Variants in BRD2 observed in about 807,000 individuals in gnomAD.
The protein encoded by BRD2 is bromodomain-containing protein 2.
A neutral mutation model predicts 79.1 loss-of-function variants in BRD2; 15 were observed. That is an observed-to-expected ratio of 0.19 (90% CI 0.13 to 0.29). BRD2 has a LOEUF of 0.29. Among genes scored for constraint, BRD2 ranks in the 10% least tolerant of loss-of-function variants. The probability of loss-of-function intolerance (pLI) is 1.00; values close to 1 mark genes in which losing one functional copy is unlikely to be tolerated. For missense variants in BRD2, 1,053 were observed against 991.3 expected (o/e 1.06, Z -0.84); for synonymous variants, 488 against 358.6 (o/e 1.36, Z -4.08).
chr6:32,976,540 C>G (rs753078710), intron 6 of BRD2, 22 bp from the exon 7 acceptor site: 1 of 1,591,706 alleles, frequency 6.3e-7, no homozygotes, highest in African/African-American at 1.3e-5. Context: ...TGACAGGTTC[C>G]CTATCTTGTT....
rs748209924 is a variant in BRD2 at position 32,974,462 on chromosome 6, G to C, written c.30G>C (p.Lys10Asn). Residue 10 changes from lysine (K) to asparagine (N), a missense_variant and splice_region_variant, in exon 3 of 13, where the codon AAG (lysine) becomes AAC (asparagine). Physicochemically the swap from Lys to Asn is moderately conservative, Grantham distance 94. Coordinates refer to ENST00000374825, the MANE Select transcript of BRD2 (RefSeq NM_005104.4). Reference sequence around the variant, plus strand: ...CCTAATTTTGTTCCCATCTTTACAGGCTCCCTGGGGAAGGGAATGCAGGGT... The same window carrying C: ...CCTAATTTTGTTCCCATCTTTACAGCCTCCCTGGGGAAGGGAATGCAGGGT... MLQNVTPHN[K>N]LPGEGNAGLL... The C allele has an allele frequency of 1.2e-6, 2 of 1,606,666 alleles. No individual in the cohort carries two copies. Among genetic ancestry groups the C allele is most frequent in the South Asian group, 2.2e-5 (2 of 90,910 alleles).
At chr6:32,975,986 G>A in intron 4 of BRD2, 45 bp from the exon 5 acceptor site, 5 of 1,565,004 alleles carry the variant, frequency 3.2e-6, no homozygotes, top group Non-Finnish European at 4.3e-6. Context: ...TCTATCTTCT[G>A]TTGGCATTTT....
intron 1 of BRD2, chr6:32,969,388 G>T: frequency 1.4e-6 from 1 of 716,406 alleles, no homozygotes. Flanking sequence ...AGGGAGGGGT[G>T]ACCTGGCGGT....
intron 1 of BRD2, chr6:32,970,509 C>T (rs1426816572): frequency 6.6e-6 from 1 of 151,966 alleles, no homozygotes; most frequent in Non-Finnish European, 1.5e-5. Flanking sequence ...CTTACGAGCC[C>T]TTCCGGGGCG....
chr6:32,971,901 A>G lies in BRD2; in HGVS notation c.-998A>G, dbSNP rs1561921810. 1 of 702,780 alleles carries G rather than the reference A, an allele frequency of 1.4e-6. No homozygotes were observed. Among genetic ancestry groups the G allele is most frequent in the Non-Finnish European group, 2.6e-6 (1 of 384,946 alleles). 43.5% of individuals were successfully genotyped at this position (702,780 alleles called of 1,614,324 possible). On this transcript the variant is annotated 5_prime_UTR_variant, in exon 2 of 13. Transcript: ENST00000374825. ...CCCTGGAGTCGGCGGACCACAGCTC[A>G]GCCAATTGGCTTGGAGATGTGGCGG...
At chr6:32,975,359 T>A in intron 3 of BRD2, 25 bp from the exon 4 acceptor site, 1 of 1,582,570 alleles carries the variant, frequency 6.3e-7, no homozygotes, top group East Asian at 2.2e-5. Flanking sequence ...TTTCTGTGGT[T>A]CTGACCTAAC....
Position 32,980,726 on chromosome 6 carries a change from G to A in BRD2, c.*8G>A, listed in dbSNP as rs1561964796. On this transcript the variant is annotated 3_prime_UTR_variant, in exon 13 of 13. Coordinates refer to ENST00000374825, the MANE Select transcript of BRD2 (RefSeq NM_005104.4). ...GATTCAGACTCAGGCTAAGGGGTCA[G>A]GCCAGATGGGGCAGGAAGGCTCCGC... 9 of 1,612,370 alleles carry A rather than the reference G, an allele frequency of 5.6e-6. No individual in the cohort carries two copies. Among genetic ancestry groups the A allele is most frequent in the Non-Finnish European group, 7.6e-6 (9 of 1,180,032 alleles).
intron 1 of BRD2, among the ~76,000 whole-genome samples, chr6:32,969,994 A>T (rs2127496559): frequency 6.6e-6 from 1 of 152,220 alleles, no homozygotes; most frequent in Non-Finnish European, 1.5e-5. Flanking sequence ...CTCCCTGGTG[A>T]CTCATGTGGG....
rs1779368175 is a variant in BRD2, at chr6:32,980,445, T to C, written c.2250T>C (p.Thr750=). ...LQDVSGQLNS[T]KKPPKKANEK... Reference sequence around the variant, plus strand: ...ATGTCAGCGGACAGCTCAATTCTACTAAAAAGCCCCCCAAGAAAGGTGAGT... The same window carrying C: ...ATGTCAGCGGACAGCTCAATTCTACCAAAAAGCCCCCCAAGAAAGGTGAGT... The change falls in exon 12 of 13, where the codon ACT becomes ACC. Residue 750 remains threonine, a synonymous_variant. Coordinates refer to ENST00000374825, the MANE Select transcript of BRD2 (RefSeq NM_005104.4). 3 of 1,613,084 alleles carry C rather than the reference T, an allele frequency of 1.9e-6. No individual in the cohort carries two copies. The highest frequency in any genetic ancestry group is 2.5e-6 in the Non-Finnish European group (3 of 1,180,042).
rs199497657 is a variant in BRD2, at chr6:32,976,142, A to G, written c.583A>G (p.Ser195Gly). The change falls in exon 5 of 13, where the codon AGC (serine) becomes GGC (glycine). Residue 195 changes from serine to glycine, a missense_variant. This residue lies in a region of BRD2 where 413 missense variants were observed against 335.1 expected (regional missense o/e 1.23). Coordinates refer to ENST00000374825, the MANE Select transcript of BRD2 (RefSeq NM_005104.4). ...QELVVTIPKN[S>G]HKKGAKLAAL... ...GCTGGTAGTGACCATCCCTAAGAAC[A>G]GCCACAAGAAGGGGGCCAAGTTGGC... 6.2e-7 allele frequency: 1 copy of G among 1,612,740 alleles called. No individual in the cohort carries two copies. The highest frequency in any genetic ancestry group is 1.7e-5 in the Admixed American group (1 of 59,932).
At chr6:32,969,350 C>T (rs1190475141) in intron 1 of BRD2, 5 of 716,824 alleles carry the variant, frequency 7.0e-6, no homozygotes. Flanking sequence ...AGCCGGGAGC[C>T]AGGTGAGAAG....
chr6:32,980,182 A>G (rs549956208), intron 11 of BRD2, 50 bp downstream of exon 11: 2 of 1,587,112 alleles, frequency 1.3e-6, no homozygotes, highest in Admixed American at 3.5e-5. Flanking sequence ...AGTTGAGGAA[A>G]GATGGTGGGG....
intron 12 of BRD2, 39 bp from the exon 13 acceptor site, chr6:32,980,543 C>T (rs2127528385): frequency 9.3e-6 from 15 of 1,612,550 alleles, no homozygotes; most frequent in Non-Finnish European, 1.3e-5. Context: ...AATGAAGATT[C>T]AGACTTGAAC....
At chr6:32,978,434 C>G (rs1480378843) in intron 10 of BRD2, 46 bp downstream of exon 10, 7 of 1,583,502 alleles carry the variant, frequency 4.4e-6, no homozygotes, top group Non-Finnish European at 6.0e-6. Context: ...ATTTCTGTCT[C>G]TCTGGGGGAT....
At position 32,976,822 on chromosome 6, in the gene BRD2, T is replaced by C; in HGVS notation, c.1086T>C (p.Ser362=). 2 of 1,613,216 alleles carry C rather than the reference T, an allele frequency of 1.2e-6. No individual in the cohort carries two copies. Among genetic ancestry groups the C allele is most frequent in the Non-Finnish European group, 1.7e-6 (2 of 1,180,048 alleles). The change falls in exon 7 of 13, where the codon TCT becomes TCC. Residue 362 remains serine (S), a synonymous_variant. Transcript: ENST00000374825. ...ATGGCATTTTGAAGGAGTTACTCTC[T>C]AAGAAGCATGCTGCCTATGCTTGGC... ...HCNGILKELL[S]KKHAAYAWPF...
intron 1 of BRD2, chr6:32,970,278 G>C (rs1055392267): frequency 6.6e-6 from 1 of 152,336 alleles, no homozygotes; most frequent in East Asian, 1.9e-4. Context: ...CCCAAACGGG[G>C]CCGCTTGTAC....
At position 32,974,657 on chromosome 6, in the gene BRD2, T is replaced by C; in HGVS notation, c.225T>C (p.Val75=). 2 of 1,614,240 alleles carry C rather than the reference T, an allele frequency of 1.2e-6. No individual in the cohort carries two copies. The highest frequency in any genetic ancestry group is 1.7e-6 in the Non-Finnish European group (2 of 1,180,042). ...EVSNPKKPGR[V]TNQLQYLHKV... Reference sequence around the variant, plus strand: ...CCAATCCCAAAAAGCCAGGACGAGTTACCAACCAGCTGCAATACCTACACA... The same window carrying C: ...CCAATCCCAAAAAGCCAGGACGAGTCACCAACCAGCTGCAATACCTACACA... The change falls in exon 3 of 13, where the codon GTT becomes GTC. Residue 75 remains valine (V), a synonymous_variant. Transcript: ENST00000374825.
At chr6:32,980,519 G>C (rs2066752) in intron 12 of BRD2, 55 bp downstream of exon 12, 105,260 of 1,612,098 alleles carry the variant, frequency 0.065, 4,702 homozygotes, top group African/African-American at 0.21. Flanking sequence ...CTTCTTGACT[G>C]TCTTTTATTG....
rs1003804313 is a variant in BRD2 at position 32,969,970 on chromosome 6, T to C, written c.-1305+914T>C. On this transcript the variant is annotated intron_variant, in intron 1 of 12. Coordinates refer to ENST00000374825, the MANE Select transcript of BRD2 (RefSeq NM_005104.4). ...GGAAAGAGTTACTTTCCCAAATTAC[T>C]GAGTAGCAGTAGCCTCCCTGGTGAC... Among the ~76,000 whole-genome samples, 3 of 152,090 alleles carry C rather than the reference T, an allele frequency of 2.0e-5. No individual in the cohort carries two copies. In the South Asian group the frequency reaches 6.2e-4, roughly 32 times the overall value.
Sources: allele counts gnomAD v4.1 joint callset (sites outside exome capture counted in the v4.1 genomes callset), GRCh38; gene constraint gnomAD v4.1.1; regional missense constraint gnomAD v4.1.1; transcripts MANE v1.5; gene names NCBI Gene and HGNC (gene_info 2026-07-23, HGNC 2026-07-21).